The following EXOC7 variants were observed in gnomAD, a reference collection of about 807,000 sequenced individuals.
EXOC7 encodes the protein exocyst complex component 7.
Under a neutral mutation model 87.6 loss-of-function variants are expected in EXOC7, and 51 were observed. The ratio of observed to expected loss-of-function variants is 0.58; its 90% CI spans 0.46 to 0.73. EXOC7 has a LOEUF of 0.73. Among genes scored for constraint, EXOC7 ranks in the 30% least tolerant of loss-of-function variants. The pLI, the probability that EXOC7 is intolerant of heterozygous loss-of-function variation, is 0.00. For missense variants in EXOC7, 744 were observed against 888.4 expected, an observed-to-expected ratio of 0.84 and a Z score of 2.07; for synonymous variants, 327 against 357.1, an observed-to-expected ratio of 0.92 and a Z score of 0.95.
In EXOC7 at chr17:76,082,670, C is replaced by T. The variant is rs73996110; in HGVS notation, c.*978G>A. 3.6e-4 allele frequency: 571 copies of T among 1,590,948 alleles called. 1 individual carries two copies. In the African/African-American group the frequency reaches 6.2e-3, roughly 17 times the overall value. On this transcript the variant is annotated 3_prime_UTR_variant, in exon 19 of 19. Coordinates refer to ENST00000589210, the MANE Select transcript of EXOC7 (RefSeq NM_001013839.4). The stretch of plus-strand genomic sequence containing the variant: ...AGACTGTAAAGGGGCAGGGCCTGGG[C>T]TGCACACCTTAGGATGAAGTTTGCT...
chr17:76,083,606 G>A lies in EXOC7; in HGVS notation c.*42C>T, dbSNP rs1369522685. On this transcript the variant is annotated 3_prime_UTR_variant, in exon 19 of 19. Coordinates refer to ENST00000589210, the MANE Select transcript of EXOC7 (RefSeq NM_001013839.4). ...GCTAACACTGGTTTATCTGTCCAAT[G>A]ACACGCCAGTCTGGTGGAACCAGGC... The A allele has an allele frequency of 1.9e-6, 3 of 1,593,170 alleles. No individual in the cohort carries two copies. The highest frequency in any genetic ancestry group is 1.3e-5 in the African/African-American group (1 of 74,524).
chr17:76,087,673 G>A lies in EXOC7; in HGVS notation c.1410C>T (p.Gly470=), dbSNP rs530110887. 126 of 1,551,316 alleles carry A rather than the reference G, an allele frequency of 8.1e-5. No homozygotes were observed. The South Asian group carries it at 1.3e-3, about 16-fold the overall frequency. ...CAGTACCTTGGGAGGCCAGCATGGC[G>A]CCTGCCGTCTCCTGGAAGTCCAAAA... ...QQLLDFQETA[G]AMLASQETSS... is the part of the protein sequence containing the mutation. The change falls in exon 12 of 19, where the codon GGC becomes GGT. Residue 470 remains glycine, a synonymous_variant. Transcript: ENST00000589210.
intron 4 of EXOC7, among the ~76,000 whole-genome samples, chr17:76,099,818 G>A (rs1598346328): frequency 6.6e-6 from 1 of 152,282 alleles, no homozygotes; most frequent in Middle Eastern, 3.4e-3. Context: ...ATATGATGAA[G>A]GCAGGTACAG....
At chr17:76,103,518 CTCCT>C in intron 1 of EXOC7, 92 bp from the exon 2 acceptor site, 1 of 1,554,446 alleles carries the variant, frequency 6.4e-7, no homozygotes, top group East Asian at 2.3e-5. Context: ...CCAACCCCAT[CTCCT>C]CGCTGGGTGC....
At chr17:76,086,236 C>G in intron 12 of EXOC7, 91 bp from the exon 13 acceptor site, 1 of 1,251,270 alleles carries the variant, frequency 8.0e-7, no homozygotes. Flanking sequence ...TGAGGGGACA[C>G]TGAGACAGGC....
rs2067099613 is a variant in EXOC7, at chr17:76,084,132, T to C, written c.1826A>G (p.Asn609Ser). The C allele has an allele frequency of 2.5e-6, 4 of 1,599,792 alleles. No homozygotes were observed. Among genetic ancestry groups the C allele is most frequent in the East Asian group, 4.5e-5 (2 of 44,740 alleles). Residue 609 changes from asparagine (N) to serine (S), a missense_variant, in exon 18 of 19, where the codon AAT becomes AGT. Physicochemically the swap from Asn to Ser is conservative, Grantham distance 46. Around this residue, in one of 3 missense-constraint regions of EXOC7, gnomAD observed 228 missense variants for 298.6 expected, o/e 0.76. Transcript: ENST00000589210. Reference protein sequence around the residue: ...QIIKERFKGFNDGLEELCKIQ... With the variant: ...QIIKERFKGFSDGLEELCKIQ... ...TTTGCACAGTTCTTCGAGGCCATCA[T>C]TGAAGCCCTGGCCACCAAAAAGGTG...
chr17:76,099,840 C>T (rs117303756), intron 4 of EXOC7, among the ~76,000 whole-genome samples: 2,887 of 152,238 alleles, frequency 0.019, 44 homozygotes, highest in Non-Finnish European at 0.028. Context: ...GGGTAATGCC[C>T]GTAATCCCTC....
At chr17:76,085,871 C>T (rs867272656) in intron 13 of EXOC7, 74 bp from the exon 14 acceptor site, 30 of 1,570,366 alleles carry the variant, frequency 1.9e-5, no homozygotes, top group Middle Eastern at 3.4e-4. Context: ...GACCCGCGAA[C>T]GCGCTCCTAT....
rs1468669295 is a variant in EXOC7, at chr17:76,082,551, G to T, written c.*1097C>A. On this transcript the variant is annotated 3_prime_UTR_variant, in exon 19 of 19. Transcript: ENST00000589210. ...TCCTCGTGTATGTGGTTGGGGTGCTGTGCACCCAATTCGTCTTTGCAGGAA... is the reference window on the plus strand; with the variant it reads ...TCCTCGTGTATGTGGTTGGGGTGCTTTGCACCCAATTCGTCTTTGCAGGAA... 1 of 1,613,760 alleles carries T rather than the reference G, an allele frequency of 6.2e-7. No homozygotes were observed. The highest frequency in any genetic ancestry group is 1.1e-5 in the South Asian group (1 of 91,084).
rs928411752 is a variant in EXOC7 at position 76,090,266 on chromosome 17, C to T, written c.901+877G>A. The T allele has an allele frequency of 1.6e-5, 25 of 1,523,332 alleles. No homozygotes were observed. In the Admixed American group the frequency reaches 2.4e-4, roughly 15 times the overall value. The allele number at this position is 1,523,332 out of a possible 1,614,324, so 94.4% of individuals were successfully genotyped here. A position where few individuals can be genotyped will look rare whatever the true frequency, so the allele number is the denominator to read the frequency against. ...CCAGCTGGGCCAGGCAGGAGCAGGC[C>T]ATCCGGGGACCGCTGCGAAGGCAGT... On this transcript the variant is annotated intron_variant, in intron 7 of 18. Transcript: ENST00000589210.
At chr17:76,100,183 T>C (rs1398914041) in intron 4 of EXOC7, among the ~76,000 whole-genome samples, 1 of 152,014 alleles carries the variant, frequency 6.6e-6, no homozygotes, top group African/African-American at 2.4e-5. Context: ...GGAATGGTGG[T>C]TACCAGAAGA....
At chr17:76,090,584 T>C in intron 7 of EXOC7, 1 of 1,157,808 alleles carries the variant, frequency 8.6e-7, no homozygotes, top group South Asian at 1.5e-5. Context: ...AACAGCCGTT[T>C]CAAGCCTGAC....
intron 4 of EXOC7, among the ~76,000 whole-genome samples, chr17:76,100,404 A>C (rs1025796970): frequency 1.3e-5 from 2 of 151,916 alleles, no homozygotes; most frequent in East Asian, 3.9e-4. Context: ...AGGCGGGCGG[A>C]TCACCTGAGG....
intron 8 of EXOC7, 66 bp downstream of exon 8, chr17:76,089,109 C>T: frequency 6.2e-7 from 1 of 1,600,744 alleles, no homozygotes; most frequent in East Asian, 2.2e-5. Context: ...GAGTTGAGGG[C>T]TGCAAGAGTC....
intron 4 of EXOC7, among the ~76,000 whole-genome samples, chr17:76,098,405 G>A (rs2144686685): frequency 6.6e-6 from 1 of 151,916 alleles, no homozygotes. Flanking sequence ...CAAAGTGCTG[G>A]GATTACAGGC....
chr17:76,090,152 C>G (rs1480386666), intron 7 of EXOC7, among the ~76,000 whole-genome samples: 2 of 152,238 alleles, frequency 1.3e-5, no homozygotes, highest in Non-Finnish European at 2.9e-5. Flanking sequence ...GCACTCCCAT[C>G]TGGAGAGAGG....
intron 5 of EXOC7, 131 bp from the exon 6 acceptor site, chr17:76,094,712 AT>A (rs1373671881): frequency 2.3e-6 from 2 of 864,936 alleles, no homozygotes; most frequent in East Asian, 5.2e-5. Flanking sequence ...CAAGCCACCC[AT>A]ATCTTGTCCC....
In EXOC7 at chr17:76,101,387, A is replaced by G; in HGVS notation, c.312-11T>C. 6.2e-7 allele frequency: 1 copy of G among 1,614,002 alleles called. No individual in the cohort carries two copies. The highest frequency in any genetic ancestry group is 1.1e-5 in the South Asian group (1 of 91,072). On this transcript the variant is annotated splice_polypyrimidine_tract_variant and intron_variant, in intron 3 of 18. Transcript: ENST00000589210. ...AGCCTACCTGTGGGGCTGGGAAAGA[A>G]AAGAGCCAGGTCAGGCTGGGGCATG...
At chr17:76,101,897 A>G (rs1474461309) in intron 2 of EXOC7, 34 bp from the exon 3 acceptor site, 1 of 1,574,024 alleles carries the variant, frequency 6.4e-7, no homozygotes, top group Non-Finnish European at 8.7e-7. Context: ...CTTGGGACTC[A>G]CAGTGGTCCC....
Sources: gnomAD v4.1 joint callset for allele counts (sites outside exome capture counted in the v4.1 genomes callset) on GRCh38, gnomAD v4.1.1 for gene constraint, gnomAD v4.1.1 regional missense constraint, MANE v1.5 for transcripts, NCBI Gene and HGNC (gene_info 2026-07-23, HGNC 2026-07-21) for gene names.